Variants in ERGIC1 observed in about 807,000 individuals in gnomAD.
The protein encoded by ERGIC1 is endoplasmic reticulum-Golgi intermediate compartment protein 1.
ERGIC1 carries 19 observed loss-of-function variants against 38.3 expected under a neutral mutation model. That is an observed-to-expected ratio of 0.50 (90% CI 0.35 to 0.73). The LOEUF (loss-of-function observed/expected upper bound fraction) is 0.73, where lower values mean the gene tolerates loss of function less well. ERGIC1 is among the 30% of genes least tolerant of loss of function. The pLI is 0.01. For synonymous variants in ERGIC1, 124 were observed against 157.6 expected (o/e 0.79, Z 1.60); for missense variants, 294 against 389.2 (o/e 0.76, Z 2.06).
chr5:172,883,769 C>T (rs1252810724), intron 1 of ERGIC1, among the ~76,000 whole-genome samples: 2 of 152,138 alleles, frequency 1.3e-5, no homozygotes, highest in African/African-American at 4.8e-5. Context: ...ATCGCTTGAG[C>T]CCTGTAGTTG....
chr5:172,848,224 G>T (rs530825869), intron 1 of ERGIC1, among the ~76,000 whole-genome samples: 32 of 152,294 alleles, frequency 2.1e-4, no homozygotes, highest in African/African-American at 7.2e-4. Flanking sequence ...GATTCTGGGG[G>T]AAAACAAGAC....
chr5:172,943,444 C>G (rs1163099241), intron 9 of ERGIC1, among the ~76,000 whole-genome samples: 1 of 151,966 alleles, frequency 6.6e-6, no homozygotes, highest in Non-Finnish European at 1.5e-5. Flanking sequence ...ATCCCCGGCT[C>G]CAGCCTGTCT....
intron 1 of ERGIC1, among the ~76,000 whole-genome samples, chr5:172,887,602 C>CT (rs1450206881): frequency 6.6e-6 from 1 of 152,180 alleles, no homozygotes; most frequent in Non-Finnish European, 1.5e-5. Context: ...GGTCTTAACT[C>CT]TTAAATAGCT....
chr5:172,850,440 C>T (rs989766923), intron 1 of ERGIC1, among the ~76,000 whole-genome samples: 1 of 152,222 alleles, frequency 6.6e-6, no homozygotes, highest in South Asian at 2.1e-4. Flanking sequence ...TCTAGAGGCA[C>T]TGTTCCATGC....
At chr5:172,877,469 T>G (rs2113203259) in intron 1 of ERGIC1, among the ~76,000 whole-genome samples, 1 of 143,868 alleles carries the variant, frequency 7.0e-6, no homozygotes, top group African/African-American at 2.5e-5. Flanking sequence ...TTTTTTTTTT[T>G]TTTTTTTGAG....
chr5:172,883,214 G>A (rs1581538588), intron 1 of ERGIC1, among the ~76,000 whole-genome samples: 1 of 152,106 alleles, frequency 6.6e-6, no homozygotes, highest in East Asian at 1.9e-4. Context: ...CAGAGTTCCT[G>A]TATGCCCTTT....
At chr5:172,905,524 G>A in intron 3 of ERGIC1, 1 of 447,596 alleles carries the variant, frequency 2.2e-6, no homozygotes, top group South Asian at 1.6e-5. Flanking sequence ...AGAGAACTGT[G>A]GAACCCAGCG....
chr5:172,853,481 C>A (rs559390602), intron 1 of ERGIC1, among the ~76,000 whole-genome samples: 1 of 152,354 alleles, frequency 6.6e-6, no homozygotes, highest in Admixed American at 6.5e-5. Flanking sequence ...CTGCCTCGAT[C>A]CCCACAGCAG....
chr5:172,929,172 T>TGTGC (rs1763723990), intron 7 of ERGIC1, among the ~76,000 whole-genome samples: 1 of 151,688 alleles, frequency 6.6e-6, no homozygotes, highest in Non-Finnish European at 1.5e-5. Flanking sequence ...TGTGTGTGTG[T>TGTGC]ATATAAGTAT....
intron 2 of ERGIC1, among the ~76,000 whole-genome samples, chr5:172,894,943 G>A (rs1426840591): frequency 2.6e-5 from 4 of 152,238 alleles, no homozygotes; most frequent in African/African-American, 9.6e-5. Flanking sequence ...ATCGATCAAT[G>A]TTTGGCTGTT....
At chr5:172,891,933 C>T (rs867141001) in intron 2 of ERGIC1, among the ~76,000 whole-genome samples, 1 of 152,218 alleles carries the variant, frequency 6.6e-6, no homozygotes, top group Non-Finnish European at 1.5e-5. Context: ...GGCCTGTGGC[C>T]AGCCCCTGAG....
intron 3 of ERGIC1, among the ~76,000 whole-genome samples, chr5:172,907,222 G>A (rs1471555887): frequency 6.6e-6 from 1 of 152,184 alleles, no homozygotes; most frequent in Non-Finnish European, 1.5e-5. Context: ...GAGGGAGCCC[G>A]TGTGAGTGCG....
intron 1 of ERGIC1, among the ~76,000 whole-genome samples, chr5:172,855,564 C>T (rs925493272): frequency 3.3e-5 from 5 of 152,310 alleles, no homozygotes; most frequent in East Asian, 1.9e-4. Flanking sequence ...GTTTTCCCAG[C>T]GAGAATATCC....
chr5:172,884,057 C>T (rs573878467), intron 1 of ERGIC1, among the ~76,000 whole-genome samples: 40 of 152,154 alleles, frequency 2.6e-4, no homozygotes, highest in Non-Finnish European at 4.4e-4. Flanking sequence ...AATTAATAAG[C>T]GTTTTCTGGG....
intron 1 of ERGIC1, among the ~76,000 whole-genome samples, chr5:172,851,838 G>A (rs1761417010): frequency 6.6e-6 from 1 of 152,138 alleles, no homozygotes; most frequent in Non-Finnish European, 1.5e-5. Context: ...TCACTGACTT[G>A]TCTGTGCCAC....
At chr5:172,880,706 C>T (rs1000135550) in intron 1 of ERGIC1, among the ~76,000 whole-genome samples, 5 of 152,226 alleles carry the variant, frequency 3.3e-5, no homozygotes, top group African/African-American at 9.6e-5. Flanking sequence ...TTGGCTTTCT[C>T]TTCTGTAAAG....
At chr5:172,914,915 G>A (rs1421755459) in intron 5 of ERGIC1, 77 bp downstream of exon 5, 1 of 1,599,172 alleles carries the variant, frequency 6.3e-7, no homozygotes. Flanking sequence ...AACTGGTTGT[G>A]GAGGCACTCA....
intron 1 of ERGIC1, among the ~76,000 whole-genome samples, chr5:172,871,529 T>C (rs6869911): frequency 6.6e-6 from 1 of 152,268 alleles, no homozygotes; most frequent in Non-Finnish European, 1.5e-5. Flanking sequence ...CTGACATATA[T>C]GAGTTCATTC....
chr5:172,867,060 A>G, intron 1 of ERGIC1: 1 of 423,224 alleles, frequency 2.4e-6, no homozygotes, highest in South Asian at 1.7e-5. Flanking sequence ...GATGATGCAG[A>G]TGGAGAGCAG....
Sources: allele counts gnomAD v4.1 joint callset (sites outside exome capture counted in the v4.1 genomes callset), GRCh38; gene constraint gnomAD v4.1.1; transcripts MANE v1.5; gene names NCBI Gene and HGNC (gene_info 2026-07-23, HGNC 2026-07-21).